NELL1: variants seen among roughly 807,000 people sequenced by gnomAD.
NELL1 encodes protein kinase C-binding protein NELL1.
Under a neutral mutation model 107.4 loss-of-function variants are expected in NELL1, and 76 were observed. The ratio of observed to expected loss-of-function variants is 0.71; its 90% CI spans 0.59 to 0.86. The LOEUF (loss-of-function observed/expected upper bound fraction) is 0.86. NELL1 is among the 40% of genes least tolerant of loss of function. NELL1 has a pLI of 0.00. For synonymous variants in NELL1, 353 were observed against 341.2 expected (o/e 1.03, Z -0.38); for missense variants, 1,024 against 1,005.5 (o/e 1.02, Z -0.25).
rs1373993643 is a variant in NELL1 at position 21,292,901 on chromosome 11, C to T, written c.1549+63447C>T. Among the ~76,000 whole-genome samples, 7 of 152,186 alleles carry T rather than the reference C, an allele frequency of 4.6e-5. No homozygotes were observed. In the East Asian group the frequency reaches 1.2e-3, roughly 25 times the overall value. On this transcript the variant is annotated intron_variant, in intron 14 of 19. Transcript: ENST00000357134. ...CATATGCAGAAAACTGAAACTGGAC[C>T]CCTTCCTTACACCTTATACAAAAAT...
At chr11:21,446,064 A>G (rs1564897891) in intron 15 of NELL1, among the ~76,000 whole-genome samples, 1 of 151,070 alleles carries the variant, frequency 6.6e-6, no homozygotes, top group Non-Finnish European at 1.5e-5. Flanking sequence ...CTGAGTGTGT[A>G]TTTTCAAACA....
In NELL1 at chr11:21,017,862, G is replaced by C. The variant is rs569902942; in HGVS notation, c.1300+57302G>C. ...TATCTATGAGGGGAAGTGGAAATCA[G>C]CTTGTTGGAATGAAAGAATGAAGTC... is the stretch of plus-strand genomic sequence containing the variant. On this transcript the variant is annotated intron_variant, in intron 12 of 19. Transcript: ENST00000357134. Among the ~76,000 whole-genome samples the C allele has an allele frequency of 7.9e-5, 12 of 152,178 alleles. 1 individual carries two copies. In the South Asian group the frequency reaches 2.5e-3, roughly 32 times the overall value.
intron 2 of NELL1, among the ~76,000 whole-genome samples, chr11:20,723,155 C>T (rs1855430713): frequency 6.6e-6 from 1 of 152,246 alleles, no homozygotes; most frequent in East Asian, 1.9e-4. Context: ...TCATTCTGCC[C>T]CTGGCCCCTC....
chr11:21,386,842 C>G (rs756636159), intron 15 of NELL1, among the ~76,000 whole-genome samples: 1 of 151,958 alleles, frequency 6.6e-6, no homozygotes, highest in South Asian at 2.1e-4. Context: ...ACCAATACTT[C>G]CCTAGTCTCT....
chr11:21,473,721 T>G (rs1854243633), intron 15 of NELL1, among the ~76,000 whole-genome samples: 1 of 152,008 alleles, frequency 6.6e-6, no homozygotes. Flanking sequence ...ATCAGTTCAG[T>G]TTTTTGGAAG....
intron 12 of NELL1, among the ~76,000 whole-genome samples, chr11:21,101,117 C>T (rs925387776): frequency 6.6e-6 from 1 of 151,968 alleles, no homozygotes; most frequent in Non-Finnish European, 1.5e-5. Flanking sequence ...TGATAGTTTG[C>T]TGAGAATGAT....
chr11:21,268,409 A>T lies in NELL1; in HGVS notation c.1549+38955A>T, dbSNP rs573504531. The stretch of plus-strand genomic sequence containing the variant: ...CTTAACAAAACCTGCCTTTAAGAGG[A>T]ACTATTTTATTTAGCACAGCCTGAA... On this transcript the variant is annotated intron_variant, in intron 14 of 19. Coordinates refer to ENST00000357134, the MANE Select transcript of NELL1 (RefSeq NM_006157.5). Among the ~76,000 whole-genome samples, 3 of 152,232 alleles carry T rather than the reference A, an allele frequency of 2.0e-5. No homozygotes were observed. The East Asian group carries it at 5.8e-4, about 29-fold the overall frequency.
intron 15 of NELL1, among the ~76,000 whole-genome samples, chr11:21,405,641 C>T (rs574599338): frequency 6.6e-6 from 1 of 152,102 alleles, no homozygotes; most frequent in South Asian, 2.1e-4. Flanking sequence ...AAGCAGATGA[C>T]TCACCAGTCT....
At chr11:21,434,523 G>A (rs1465389810) in intron 15 of NELL1, among the ~76,000 whole-genome samples, 12 of 151,812 alleles carry the variant, frequency 7.9e-5, no homozygotes, top group Non-Finnish European at 1.6e-4. Context: ...TTATTTCTGG[G>A]TTCTTTATTC....
chr11:20,753,441 A>G (rs538089974), intron 2 of NELL1, among the ~76,000 whole-genome samples: 1 of 151,944 alleles, frequency 6.6e-6, no homozygotes, highest in Admixed American at 6.5e-5. Context: ...TTTTTTCCTC[A>G]TGGCTTTTTG....
At chr11:20,710,747 T>G (rs554453701) in intron 2 of NELL1, among the ~76,000 whole-genome samples, 1 of 152,256 alleles carries the variant, frequency 6.6e-6, no homozygotes, top group African/African-American at 2.4e-5. Flanking sequence ...TTTCTATTTC[T>G]TCCTGATTTA....
intron 15 of NELL1, among the ~76,000 whole-genome samples, chr11:21,510,950 CA>C (rs1855420919): frequency 6.6e-6 from 1 of 152,132 alleles, no homozygotes; most frequent in Admixed American, 6.5e-5. Context: ...GACAGATTAT[CA>C]ATGTTAAAAT....
At chr11:21,162,863 C>T (rs1856403058) in intron 13 of NELL1, among the ~76,000 whole-genome samples, 1 of 152,090 alleles carries the variant, frequency 6.6e-6, no homozygotes, top group African/African-American at 2.4e-5. Context: ...TAATTCAATA[C>T]AACAATTTAA....
At chr11:21,011,572 G>A (rs1353428276) in intron 12 of NELL1, among the ~76,000 whole-genome samples, 2 of 152,146 alleles carry the variant, frequency 1.3e-5, no homozygotes, top group Admixed American at 6.5e-5. Context: ...CCTCAGACCA[G>A]GCATCTCTCT....
At chr11:20,706,612 T>C (rs1280878370) in intron 2 of NELL1, among the ~76,000 whole-genome samples, 1 of 151,884 alleles carries the variant, frequency 6.6e-6, no homozygotes, top group Non-Finnish European at 1.5e-5. Context: ...ATGGCACATG[T>C]ATACATATGT....
chr11:21,431,279 A>C (rs1177718052), intron 15 of NELL1, among the ~76,000 whole-genome samples: 1 of 152,130 alleles, frequency 6.6e-6, no homozygotes, highest in Non-Finnish European at 1.5e-5. Flanking sequence ...ACGATCTGCA[A>C]GACCTTTCCT....
intron 13 of NELL1, among the ~76,000 whole-genome samples, chr11:21,229,048 T>C (rs1023665791): frequency 6.6e-6 from 1 of 152,012 alleles, no homozygotes; most frequent in African/African-American, 2.4e-5. Flanking sequence ...GAAAACCTTT[T>C]TAGAAGGTGG....
intron 2 of NELL1, among the ~76,000 whole-genome samples, chr11:20,698,255 C>T (rs982367232): frequency 3.9e-5 from 6 of 152,154 alleles, no homozygotes; most frequent in African/African-American, 1.2e-4. Context: ...TTAACACCTG[C>T]ACTGGCTTAT....
At chr11:21,254,115 A>T (rs1477747082) in intron 14 of NELL1, among the ~76,000 whole-genome samples, 2 of 151,948 alleles carry the variant, frequency 1.3e-5, no homozygotes, top group Non-Finnish European at 2.9e-5. Context: ...TATGGAGCTT[A>T]CTCCTTCTCC....
Sources: gnomAD v4.1 joint callset for allele counts (sites outside exome capture counted in the v4.1 genomes callset) on GRCh38, gnomAD v4.1.1 for gene constraint, MANE v1.5 for transcripts, NCBI Gene and HGNC (gene_info 2026-07-23, HGNC 2026-07-21) for gene names.